The following ANO4 variants were observed in gnomAD, a reference collection of about 807,000 sequenced individuals.
ANO4 encodes anoctamin 4, also known as anoctamin-4.
A neutral mutation model predicts 141.9 loss-of-function variants in ANO4; 69 were observed. The observed-to-expected ratio is 0.49, with a 90% CI of 0.40 to 0.59. The LOEUF is 0.59. Ranked by LOEUF, ANO4 falls within the 20% of genes least tolerant of loss-of-function variation. The pLI is 0.00. For synonymous variants in ANO4, 350 were observed against 394.3 expected, an observed-to-expected ratio of 0.89 and a Z score of 1.33; for missense variants, 894 against 1,162.2, an observed-to-expected ratio of 0.77 and a Z score of 3.36.
intron 1 of ANO4, among the ~76,000 whole-genome samples, chr12:100,889,451 G>A (rs556900632): frequency 2.2e-4 from 33 of 152,164 alleles, no homozygotes; most frequent in African/African-American, 7.2e-4. Flanking sequence ...CTGAGGAATC[G>A]CCACACTGAC....
At chr12:101,056,371 T>C (rs567491447) in intron 14 of ANO4, among the ~76,000 whole-genome samples, 2 of 152,306 alleles carry the variant, frequency 1.3e-5, no homozygotes. Flanking sequence ...AAATAGTATT[T>C]TTCTGTAATT....
chr12:100,899,692 C>T (rs183892568), intron 1 of ANO4, among the ~76,000 whole-genome samples: 1 of 152,304 alleles, frequency 6.6e-6, no homozygotes, highest in Non-Finnish European at 1.5e-5. Flanking sequence ...ACCCTTCTTA[C>T]CTTTGACATG....
chr12:100,753,712 A>T (rs765644204), intron 3 of ANO4, among the ~76,000 whole-genome samples: 5 of 152,166 alleles, frequency 3.3e-5, no homozygotes, highest in Non-Finnish European at 7.3e-5. Context: ...GCATTATACT[A>T]TAGTAGTTTT....
chr12:101,039,200 A>T (rs926342221), intron 10 of ANO4: 1 of 152,052 alleles, frequency 6.6e-6, no homozygotes, highest in Non-Finnish European at 1.5e-5. Flanking sequence ...CAACTATCCT[A>T]TCTTGAAAGA....
At chr12:100,996,902 C>A (rs79989644) in intron 8 of ANO4, among the ~76,000 whole-genome samples, 14,917 of 152,254 alleles carry the variant, frequency 0.098, 838 homozygotes, top group Middle Eastern at 0.19. Flanking sequence ...CCACTGTTTA[C>A]TAAACAACTC....
chr12:100,795,181 G>T (rs879388731), intron 1 of ANO4, among the ~76,000 whole-genome samples, 154 bp downstream of exon 1: 4 of 152,118 alleles, frequency 2.6e-5, no homozygotes, highest in South Asian at 2.1e-4. Context: ...AATGCCAGGG[G>T]TCATTTGCCT....
In ANO4 at chr12:100,906,890, G is replaced by A. The variant is rs541429282; in HGVS notation, c.55+5050G>A. Among the ~76,000 whole-genome samples the A allele has an allele frequency of 3.3e-4, 50 of 152,230 alleles. 1 individual carries two copies. The South Asian group carries it at 9.5e-3, about 29-fold the overall frequency. ...CTATTGGAGAAAAACAGTTCTAAGT[G>A]AAAGAGCCACAGGGAAGCATGACCA... On this transcript the variant is annotated intron_variant, in intron 2 of 27. Transcript: ENST00000392977.
intron 5 of ANO4, among the ~76,000 whole-genome samples, chr12:100,964,638 T>C (rs754223419): frequency 1.3e-5 from 2 of 152,170 alleles, no homozygotes; most frequent in Non-Finnish European, 2.9e-5. Context: ...GCTAACCTGA[T>C]TTGATCCTTC....
intron 3 of ANO4, among the ~76,000 whole-genome samples, chr12:100,768,373 A>G (rs2033172388): frequency 6.6e-6 from 1 of 152,142 alleles, no homozygotes; most frequent in Admixed American, 6.5e-5. Flanking sequence ...TGCTACACCT[A>G]GATGCTATAA....
chr12:100,820,181 AG>A (rs1183719161), intron 1 of ANO4, among the ~76,000 whole-genome samples: 5 of 151,738 alleles, frequency 3.3e-5, no homozygotes, highest in Non-Finnish European at 7.4e-5. Flanking sequence ...TTAGAGCAGA[AG>A]GGGGGGCCCT....
chr12:100,962,602 G>A (rs150438064), intron 5 of ANO4, among the ~76,000 whole-genome samples: 7 of 152,220 alleles, frequency 4.6e-5, no homozygotes, highest in African/African-American at 9.6e-5. Context: ...AGGTCCTCTC[G>A]CATAGTTATT....
chr12:100,734,017 C>T (rs17030480), intron 2 of ANO4, among the ~76,000 whole-genome samples: 41,683 of 152,052 alleles, frequency 0.27, 6,024 homozygotes, highest in Middle Eastern at 0.33. Flanking sequence ...TTTTCTGGAT[C>T]GCCCTCTTGT....
At chr12:101,121,157 G>A (rs1299098282) in intron 26 of ANO4, among the ~76,000 whole-genome samples, 4 of 152,168 alleles carry the variant, frequency 2.6e-5, no homozygotes, top group East Asian at 1.9e-4. Context: ...TTTGGGGTGC[G>A]ACTGAACCCA....
At chr12:100,927,258 T>C (rs1308568627) in intron 3 of ANO4, among the ~76,000 whole-genome samples, 1 of 152,018 alleles carries the variant, frequency 6.6e-6, no homozygotes, top group East Asian at 1.9e-4. Flanking sequence ...TGAAATTAAA[T>C]TGTCCACGAA....
At chr12:101,049,252 T>C (rs1180170607) in intron 14 of ANO4, among the ~76,000 whole-genome samples, 1 of 152,182 alleles carries the variant, frequency 6.6e-6, no homozygotes, top group Admixed American at 6.5e-5. Context: ...AAAATTCTAC[T>C]ACCTTTAGAC....
chr12:100,994,021 G>A (rs911158037), intron 8 of ANO4, among the ~76,000 whole-genome samples: 15 of 152,262 alleles, frequency 9.9e-5, no homozygotes, highest in African/African-American at 2.6e-4. Context: ...CCTGTGCAGT[G>A]TAGGATAGTA....
chr12:100,943,542 C>A (rs1380827341), intron 5 of ANO4, among the ~76,000 whole-genome samples: 1 of 152,120 alleles, frequency 6.6e-6, no homozygotes, highest in African/African-American at 2.4e-5. Context: ...CTGACCTCAG[C>A]TCTTGAATGT....
chr12:100,982,760 A>G (rs901469611), intron 7 of ANO4, among the ~76,000 whole-genome samples: 3 of 152,234 alleles, frequency 2.0e-5, no homozygotes, highest in African/African-American at 7.2e-5. Flanking sequence ...GCTGACTCCA[A>G]AGTCCATCAT....
chr12:100,847,048 T>A (rs1240823643), intron 1 of ANO4, among the ~76,000 whole-genome samples: 1 of 152,188 alleles, frequency 6.6e-6, no homozygotes, highest in Non-Finnish European at 1.5e-5. Flanking sequence ...CAGTGGTGTG[T>A]TCCCTTAGCA....
Sources: allele counts gnomAD v4.1 joint callset (sites outside exome capture counted in the v4.1 genomes callset), GRCh38; gene constraint gnomAD v4.1.1; transcripts MANE v1.5; gene names NCBI Gene and HGNC (gene_info 2026-07-23, HGNC 2026-07-21).